The following RNF19A variants were observed in gnomAD, a reference collection of about 807,000 sequenced individuals.
RNF19A encodes ring finger protein 19A, RBR E3 ubiquitin protein ligase.
RNF19A carries 32 observed loss-of-function variants against 75.7 expected under a neutral mutation model. That is an observed-to-expected ratio of 0.42 (90% CI 0.32 to 0.57). The LOEUF is 0.57. Ranked by LOEUF, RNF19A falls within the 20% of genes least tolerant of loss-of-function variation. The pLI is 0.10. For synonymous variants in RNF19A, 335 were observed against 345.2 expected, an observed-to-expected ratio of 0.97 and a Z score of 0.33; for missense variants, 782 against 1,036.3, an observed-to-expected ratio of 0.75 and a Z score of 3.37.
In RNF19A at chr8:100,317,199, G is replaced by A. The variant is rs1248915222; in HGVS notation, c.-242-3827C>T. Among the ~76,000 whole-genome samples the A allele has an allele frequency of 6.9e-6, 1 of 144,676 alleles. No individual in the cohort carries two copies. The highest frequency in any genetic ancestry group is 1.6e-5 in the Non-Finnish European group (1 of 64,284). The allele number at this position is 144,676 out of a possible 152,430, so 94.9% of individuals were successfully genotyped here. A position where few individuals can be genotyped will look rare whatever the true frequency, so the allele number is the denominator to read the frequency against. On this transcript the variant is annotated intron_variant, in intron 1 of 3. Transcript: ENST00000519527. This position sits in a 1 kb window ranked among gnomAD's most constrained non-coding sequence, Gnocchi z 4.3. ...ACCTCCCTGCAAGCTGAGGGAGTGG[G>A]CTCCAGCCTTGGCCAGCCCAGAAAG...
chr8:100,276,744 G>GA (rs1193317729), intron 2 of RNF19A, among the ~76,000 whole-genome samples: 1 of 136,354 alleles, frequency 7.3e-6, no homozygotes. Context: ...AAAAAAAAAA[G>GA]AAAAAAAGGA....
At chr8:100,271,510 A>G (rs1444380481) in intron 3 of RNF19A, among the ~76,000 whole-genome samples, 2 of 152,184 alleles carry the variant, frequency 1.3e-5, no homozygotes, top group Non-Finnish European at 2.9e-5. Flanking sequence ...GTATCTCAAC[A>G]AGACAGGGGA....
chr8:100,266,190 T>C (rs1289773217), intron 5 of RNF19A, among the ~76,000 whole-genome samples: 3 of 152,250 alleles, frequency 2.0e-5, no homozygotes, highest in Admixed American at 6.5e-5. Flanking sequence ...GGCTCAGCTT[T>C]TGGGTACTTT....
chr8:100,327,245 CTTTTTTTTTTTTT>C (rs71303441), intron 1 of RNF19A, among the ~76,000 whole-genome samples: 2 of 75,836 alleles, frequency 2.6e-5, no homozygotes, highest in Non-Finnish European at 4.7e-5. Context: ...GCAATTACTT[CTTTTTTTTTTTTT>C]TTTTTTTTTT....
At chr8:100,312,301 G>C (rs1053669939), upstream of RNF19A, 1 of 152,272 alleles carries the variant, frequency 6.6e-6, no homozygotes, top group African/African-American at 2.4e-5. Context: ...GGCATCAGTA[G>C]TTTTTAAAAC....
Position 100,287,245 on chromosome 8 carries a change from G to A in RNF19A, c.674+256C>T, listed in dbSNP as rs1185302253. Among the ~76,000 whole-genome samples, 20 of 152,036 alleles carry A rather than the reference G, an allele frequency of 1.3e-4. No individual in the cohort carries two copies. Among genetic ancestry groups the A allele is most frequent in the Non-Finnish European group, 5.9e-5 (4 of 68,004 alleles). On this transcript the variant is annotated intron_variant, in intron 2 of 9. Transcript: ENST00000341084. The surrounding 1 kb of genome is among the most constrained non-coding windows in gnomAD (Gnocchi z 4.1). The stretch of plus-strand genomic sequence containing the variant: ...AGAAAACCAATTTTGTATACAACTA[G>A]ATCCTGTACTCTACCACCTTACCCT...
intron 5 of RNF19A, among the ~76,000 whole-genome samples, chr8:100,266,301 C>T (rs1024099448): frequency 6.6e-6 from 1 of 152,040 alleles, no homozygotes; most frequent in Non-Finnish European, 1.5e-5. Flanking sequence ...CCTTTGGGTA[C>T]ATGTTTGAAA....
chr8:100,309,042 A>C (rs1453652902), intron 1 of RNF19A, among the ~76,000 whole-genome samples: 1 of 152,188 alleles, frequency 6.6e-6, no homozygotes, highest in Non-Finnish European at 1.5e-5. Context: ...TGAACCCTAA[A>C]CTTCTTTTTC....
In RNF19A at chr8:100,291,946, T is replaced by A. The variant is rs980445124; in HGVS notation, c.-93-3679A>T. ...ATGTGACAATATTTACTAGCACTGT[T>A]GAACAGAAAGAGGACTAAGTCTTTT... On this transcript the variant is annotated intron_variant, in intron 1 of 9. Transcript: ENST00000341084. 1.1e-4 allele frequency among the ~76,000 whole-genome samples: 16 copies of A among 148,624 alleles called. No individual in the cohort carries two copies. In the South Asian group the frequency reaches 3.2e-3, roughly 29 times the overall value.
chr8:100,280,270 C>T (rs1392840983), intron 2 of RNF19A, among the ~76,000 whole-genome samples: 1 of 152,128 alleles, frequency 6.6e-6, no homozygotes, highest in African/African-American at 2.4e-5. Flanking sequence ...GGCCACCTGG[C>T]ATTTGGTCAA....
At chr8:100,306,531 TG>T (rs1408027852) in intron 1 of RNF19A, among the ~76,000 whole-genome samples, 2 of 152,204 alleles carry the variant, frequency 1.3e-5, no homozygotes, top group Non-Finnish European at 2.9e-5. Flanking sequence ...TTAATGACAG[TG>T]ATAAAGAGAG....
At chr8:100,298,910 C>T (rs915164287) in intron 1 of RNF19A, among the ~76,000 whole-genome samples, 28 of 152,276 alleles carry the variant, frequency 1.8e-4, no homozygotes, top group Non-Finnish European at 1.3e-4. Context: ...ACAGGGAAAG[C>T]AGAGCGCAAA....
chr8:100,310,136 C>CTCCTCCCACTTCT, upstream of RNF19A: 1 of 985,598 alleles, frequency 1.0e-6, no homozygotes, highest in African/African-American at 1.7e-5. Flanking sequence ...TCCCCTCCTC[C>CTCCTCCCACTTCT]TCCTCCCACT....
intron 1 of RNF19A, among the ~76,000 whole-genome samples, chr8:100,288,839 T>C (rs977279691): frequency 2.0e-5 from 3 of 151,908 alleles, no homozygotes; most frequent in African/African-American, 7.3e-5. Context: ...GATGGGCGGA[T>C]CACAAGTTCA....
chr8:100,326,790 G>C (rs1010739523), intron 1 of RNF19A, among the ~76,000 whole-genome samples: 1 of 152,102 alleles, frequency 6.6e-6, no homozygotes, highest in African/African-American at 2.4e-5. Flanking sequence ...ACTTTAAACA[G>C]TCTGTATCAA....
chr8:100,270,705 A>G (rs1820215347), intron 3 of RNF19A, among the ~76,000 whole-genome samples: 1 of 152,246 alleles, frequency 6.6e-6, no homozygotes, highest in South Asian at 2.1e-4. Flanking sequence ...AAACCATGGA[A>G]AACAGTTTCA....
chr8:100,328,361 G>A (rs994725977), intron 1 of RNF19A, among the ~76,000 whole-genome samples: 1 of 152,180 alleles, frequency 6.6e-6, no homozygotes, highest in Admixed American at 6.5e-5. Context: ...AAGAGACAAA[G>A]TGAACTTTAG....
At chr8:100,310,248 G>A, upstream of RNF19A, 1 of 985,088 alleles carries the variant, frequency 1.0e-6, no homozygotes. Context: ...TCTGGACGCG[G>A]CTGTTCCCTT....
At position 100,276,546 on chromosome 8, in the gene RNF19A, G is replaced by A. The variant is rs538840239; in HGVS notation, c.675-1385C>T. Among the ~76,000 whole-genome samples the A allele has an allele frequency of 4.6e-5, 7 of 151,904 alleles. No individual in the cohort carries two copies. In the South Asian group the frequency reaches 1.2e-3, roughly 27 times the overall value. The stretch of plus-strand genomic sequence containing the variant: ...GTGGGCAGATCACTTGAGGTCAGGA[G>A]TTCAAGACCAGCCTGGTCAACATGG... On this transcript the variant is annotated intron_variant, in intron 2 of 9. Coordinates refer to ENST00000341084, the MANE Select transcript of RNF19A (RefSeq NM_183419.4).
Sources: gnomAD v4.1 joint callset for allele counts (sites outside exome capture counted in the v4.1 genomes callset) on GRCh38, gnomAD v4.1.1 for gene constraint, Gnocchi (gnomAD v3.1) non-coding constraint, MANE v1.5 for transcripts, NCBI Gene and HGNC (gene_info 2026-07-23, HGNC 2026-07-21) for gene names.